RBFOX3: variants seen among roughly 807,000 people sequenced by gnomAD.
RBFOX3 encodes the protein RNA binding protein fox-1 homolog 3.
A neutral mutation model predicts 48.7 loss-of-function variants in RBFOX3; 17 were observed. That is an observed-to-expected ratio of 0.35 (90% CI 0.24 to 0.52). RBFOX3 has a LOEUF of 0.52. RBFOX3 is among the 20% of genes least tolerant of loss of function. The pLI, the probability that RBFOX3 is intolerant of heterozygous loss-of-function variation, is 0.94. For missense variants in RBFOX3, 382 were observed against 497.5 expected, an observed-to-expected ratio of 0.77 and a Z score of 2.21; for synonymous variants, 212 against 209.5, an observed-to-expected ratio of 1.01 and a Z score of -0.10.
intron 3 of RBFOX3, among the ~76,000 whole-genome samples, chr17:79,289,578 G>A (rs759177030): frequency 2.0e-5 from 3 of 152,252 alleles, no homozygotes; most frequent in African/African-American, 4.8e-5. Flanking sequence ...CCCAGGGACT[G>A]TGCTTTTTCC....
At chr17:79,444,742 A>G (rs779058974) in intron 2 of RBFOX3, among the ~76,000 whole-genome samples, 7 of 152,066 alleles carry the variant, frequency 4.6e-5, no homozygotes, top group Middle Eastern at 3.2e-3. Flanking sequence ...AGCGTGCAGT[A>G]GAGAAGAGCC....
chr17:79,485,673 C>T (rs1305944435), intron 1 of RBFOX3, among the ~76,000 whole-genome samples: 1 of 152,220 alleles, frequency 6.6e-6, no homozygotes, highest in Non-Finnish European at 1.5e-5. Flanking sequence ...ACTGGTCCTA[C>T]CCAGCCCTGT....
intron 1 of RBFOX3, among the ~76,000 whole-genome samples, chr17:79,568,713 T>C (rs1202881851): frequency 3.3e-5 from 5 of 152,078 alleles, no homozygotes; most frequent in African/African-American, 1.2e-4. Flanking sequence ...ATGCCCTGTA[T>C]GGTGAAAAAA....
intron 3 of RBFOX3, among the ~76,000 whole-genome samples, chr17:79,265,204 G>A (rs1482976952): frequency 1.3e-5 from 2 of 152,218 alleles, no homozygotes; most frequent in African/African-American, 4.8e-5. Flanking sequence ...TCAGCCTGGA[G>A]GAATGCTGGA....
intron 1 of RBFOX3, among the ~76,000 whole-genome samples, chr17:79,536,005 C>G (rs1266946789): frequency 1.3e-5 from 2 of 152,198 alleles, no homozygotes; most frequent in Non-Finnish European, 2.9e-5. Context: ...TGTCCTCCCT[C>G]TCCCCACTTT....
rs922517135 is a variant in RBFOX3 at position 79,601,107 on chromosome 17, G to A, written c.-320+9719C>T. 2.6e-4 allele frequency: 40 copies of A among 152,394 alleles called. 1 individual carries two copies. The highest frequency in any genetic ancestry group is 9.4e-4 in the African/African-American group (39 of 41,596). 9.4% of individuals were successfully genotyped at this position (152,394 alleles called of 1,614,324 possible). A position where few individuals can be genotyped will look rare whatever the true frequency, so the allele number is the denominator to read the frequency against. ...TGCCTCAGCCCGACTGCAGCCTCGA[G>A]GGGCCCCGGCTGGGGCGTCTACACA... On this transcript the variant is annotated intron_variant, in intron 1 of 14. Coordinates refer to ENST00000693108, the MANE Select transcript of RBFOX3 (RefSeq NM_001350451.2).
At chr17:79,304,480 A>G (rs2075815326) in intron 3 of RBFOX3, among the ~76,000 whole-genome samples, 1 of 150,714 alleles carries the variant, frequency 6.6e-6, no homozygotes, top group Non-Finnish European at 1.5e-5. Flanking sequence ...CTGCTTTTGC[A>G]GAAGGATTTT....
intron 2 of RBFOX3, among the ~76,000 whole-genome samples, chr17:79,326,358 A>G (rs1357873382): frequency 2.0e-5 from 3 of 152,188 alleles, no homozygotes. Context: ...CTGACAACCC[A>G]GGATCACGCA....
chr17:79,337,639 C>T (rs2081398899), intron 2 of RBFOX3, among the ~76,000 whole-genome samples: 1 of 152,066 alleles, frequency 6.6e-6, no homozygotes, highest in African/African-American at 2.4e-5. Flanking sequence ...AGCCAGGTCT[C>T]GTGGCACACA....
chr17:79,537,326 T>C (rs1555788997), intron 1 of RBFOX3, among the ~76,000 whole-genome samples: 6 of 152,140 alleles, frequency 3.9e-5, no homozygotes, highest in Non-Finnish European at 4.4e-5. Context: ...TGTGGCCCTC[T>C]CCCTGTGCAT....
chr17:79,477,191 C>T lies in RBFOX3; in HGVS notation c.-175+5263G>A, dbSNP rs1293765051. On this transcript the variant is annotated intron_variant, in intron 2 of 14. Transcript: ENST00000693108. The surrounding 1 kb of genome is among the most constrained non-coding windows in gnomAD (Gnocchi z 4.8). ...GAGGTTGCAGTGAGCTGAGATCGCG[C>T]CACTGCACTCCAGCCTGGGTGAAAG... is the stretch of plus-strand genomic sequence containing the variant. Among the ~76,000 whole-genome samples the T allele has an allele frequency of 6.7e-6, 1 of 149,318 alleles. No homozygotes were observed. Among genetic ancestry groups the T allele is most frequent in the African/African-American group, 2.5e-5 (1 of 40,384 alleles).
the RBFOX3 span, among the ~76,000 whole-genome samples, chr17:79,625,971 T>A: frequency 6.6e-6 from 1 of 152,158 alleles, no homozygotes; most frequent in African/African-American, 2.4e-5. Flanking sequence ...AGGTGCTGTT[T>A]ATGGTTTTGC....
In RBFOX3 at chr17:79,204,260, T is replaced by TACACACCAGTGGACGCCGGGGAGCGGAC. The variant is rs1280393256; in HGVS notation, c.-34+31478_-34+31505dup. On this transcript the variant is annotated intron_variant, in intron 4 of 14. Coordinates refer to ENST00000693108, the MANE Select transcript of RBFOX3 (RefSeq NM_001350451.2). The surrounding 1 kb of genome is among the most constrained non-coding windows in gnomAD (Gnocchi z 4.5). ...CCAAAAAGCTCCAAGACCCAGTGGA[T>TACACACCAGTGGACGCCGGGGAGCGGAC]ACACACCAGTGGACGCCGGGGAGCG... Among the ~76,000 whole-genome samples, 2 of 151,994 alleles carry TACACACCAGTGGACGCCGGGGAGCGGAC rather than the reference T, an allele frequency of 1.3e-5. No individual in the cohort carries two copies. The highest frequency in any genetic ancestry group is 1.9e-4 in the East Asian group (1 of 5,168).
chr17:79,336,481 G>T (rs2081220825), intron 2 of RBFOX3, among the ~76,000 whole-genome samples: 1 of 152,170 alleles, frequency 6.6e-6, no homozygotes, highest in African/African-American at 2.4e-5. Context: ...CTTCTGAAAA[G>T]CTGAAGTCCC....
intron 1 of RBFOX3, among the ~76,000 whole-genome samples, chr17:79,596,706 G>A (rs1001617112): frequency 3.5e-5 from 5 of 143,082 alleles, no homozygotes; most frequent in East Asian, 4.8e-4. Context: ...AGCCCAATAC[G>A]GGAGATGGAG....
intron 5 of RBFOX3, among the ~76,000 whole-genome samples, chr17:79,107,014 A>G (rs1405838640): frequency 6.6e-6 from 1 of 152,140 alleles, no homozygotes; most frequent in African/African-American, 2.4e-5. Flanking sequence ...CCTTCGCCCA[A>G]ACTGTGCAGG....
intron 14 of RBFOX3, chr17:79,094,190 G>T: frequency 2.4e-6 from 1 of 419,120 alleles, no homozygotes; most frequent in Admixed American, 4.4e-5. Flanking sequence ...TCAGGGAAAC[G>T]GATCAGGCAC....
At chr17:79,354,143 G>A (rs1387293919) in intron 2 of RBFOX3, among the ~76,000 whole-genome samples, 3 of 152,134 alleles carry the variant, frequency 2.0e-5, no homozygotes, top group African/African-American at 4.8e-5. Context: ...CAGTTCAATG[G>A]GTGAACTATA....
intron 3 of RBFOX3, among the ~76,000 whole-genome samples, chr17:79,293,388 C>G (rs2073723280): frequency 8.3e-6 from 1 of 120,898 alleles, no homozygotes; most frequent in African/African-American, 3.1e-5. Context: ...CCTCCCTTTC[C>G]TTTCCCTTCC....
Sources: gnomAD v4.1 joint callset for allele counts (sites outside exome capture counted in the v4.1 genomes callset) on GRCh38, gnomAD v4.1.1 for gene constraint, Gnocchi (gnomAD v3.1) non-coding constraint, MANE v1.5 for transcripts, NCBI Gene and HGNC (gene_info 2026-07-23, HGNC 2026-07-21) for gene names.